Variants in TSGA10 observed in about 807,000 individuals in gnomAD.
TSGA10 encodes the protein testis specific 10.
Under a neutral mutation model 96.6 loss-of-function variants are expected in TSGA10, and 43 were observed. That is an observed-to-expected ratio of 0.44 (90% confidence interval 0.35 to 0.57). The LOEUF (loss-of-function observed/expected upper bound fraction) is 0.57, where lower values mean the gene tolerates loss of function less well. TSGA10 is among the 20% of genes least tolerant of loss of function. The pLI, the probability that TSGA10 is intolerant of heterozygous loss-of-function variation, is 0.01. For synonymous variants in TSGA10, 229 were observed against 269.9 expected (o/e 0.85, Z 1.48); for missense variants, 703 against 834.4 (o/e 0.84, Z 1.94).
At chr2:99,000,957 A>T (rs2077844069) in intron 20 of TSGA10, among the ~76,000 whole-genome samples, 1 of 152,148 alleles carries the variant, frequency 6.6e-6, no homozygotes, top group Admixed American at 6.5e-5. Context: ...GATTTGGTAA[A>T]CAAGGCAGCC....
rs780847174 is a variant in TSGA10, at chr2:99,109,431, T to G, written c.9A>C (p.Arg3=). 2 of 1,613,990 alleles carry G rather than the reference T, an allele frequency of 1.2e-6. No individual in the cohort carries two copies. The highest frequency in any genetic ancestry group is 3.3e-5 in the Admixed American group (2 of 60,026). Residue 3 remains arginine (R), a synonymous_variant, in exon 6 of 21, where the codon CGA becomes CGC. Coordinates refer to ENST00000393483, the MANE Select transcript of TSGA10 (RefSeq NM_025244.4). The part of the protein sequence containing the change: MM[R]SRSKSPRRPS... ...GGCGTCTTGGACTTTTAGACCTACT[T>G]CGCATCATCTTTCTCAAATGTTGAG...
At chr2:99,004,045 C>T (rs145345711) in intron 20 of TSGA10, among the ~76,000 whole-genome samples, 52,912 of 151,494 alleles carry the variant, frequency 0.35, 10,492 homozygotes, top group African/African-American at 0.55. Context: ...ATTGACACAC[C>T]ACTAGCAAGA....
rs563434780 is a variant in TSGA10 at position 99,091,741 on chromosome 2, A to G, written c.612-10344T>C. ...ATATAATGATAAAAGGCCTTGTCCA[A>G]CAGGAAGGTATCACAATCTTAAATA... On this transcript the variant is annotated intron_variant, in intron 10 of 20. Coordinates refer to ENST00000393483, the MANE Select transcript of TSGA10 (RefSeq NM_025244.4). Among the ~76,000 whole-genome samples, 3 of 152,272 alleles carry G rather than the reference A, an allele frequency of 2.0e-5. No individual in the cohort carries two copies. In the South Asian group the frequency reaches 6.2e-4, roughly 32 times the overall value.
rs202038177 is a variant in TSGA10 at position 99,094,292 on chromosome 2, TA to T, written c.611+9674del. Among the ~76,000 whole-genome samples the T allele has an allele frequency of 9.1e-3, 1,386 of 152,180 alleles. 12 individuals are homozygous for T. The highest frequency in any genetic ancestry group is 0.032 in the African/African-American group (1,315 of 41,522). On this transcript the variant is annotated intron_variant, in intron 10 of 20. Coordinates refer to ENST00000393483, the MANE Select transcript of TSGA10 (RefSeq NM_025244.4). ...CACTTAAATCTAAGACCTGAAACCA[TA>T]AAAATTATAGAAGATAACATTGAAA... is the stretch of plus-strand genomic sequence containing the variant.
At chr2:99,107,629 A>C (rs932327913) in intron 7 of TSGA10, among the ~76,000 whole-genome samples, 3 of 152,154 alleles carry the variant, frequency 2.0e-5, no homozygotes, top group Non-Finnish European at 4.4e-5. Context: ...TGCATTTTTA[A>C]ATGGTTGGGG....
intron 4 of TSGA10, among the ~76,000 whole-genome samples, chr2:99,113,671 G>A (rs997273574): frequency 5.3e-5 from 8 of 152,170 alleles, no homozygotes; most frequent in African/African-American, 2.4e-5. Context: ...TCAGCCTCCC[G>A]GGTAGCTGGG....
Position 99,105,614 on chromosome 2 carries a change from G to A in TSGA10, c.294C>T (p.Leu98=). 2 of 1,610,068 alleles carry A rather than the reference G, an allele frequency of 1.2e-6. No homozygotes were observed. Among genetic ancestry groups the A allele is most frequent in the Non-Finnish European group, 1.7e-6 (2 of 1,176,606 alleles). The change falls in exon 8 of 21, where the codon CTC becomes CTT. Residue 98 remains leucine (L), a synonymous_variant. Transcript: ENST00000393483. ...SPKSTTAHAI[L]RRVETERDVA... is the part of the protein sequence containing the mutation. ...CATCTCTTTCAGTCTCCACTCGCCG[G>A]AGAATAGCATGTGCCGTTGTTGATT...
chr2:99,018,679 T>G lies in TSGA10; in HGVS notation c.1818-39A>C, dbSNP rs376332843. ...GATAAGAGTTATAGTTGACTAAACT[T>G]AAAATATGGCTATGATTCTGGGGTA... On this transcript the variant is annotated intron_variant, in intron 18 of 20. Transcript: ENST00000393483. 1.9e-5 allele frequency: 29 copies of G among 1,532,234 alleles called. No homozygotes were observed. In the African/African-American group the frequency reaches 3.6e-4, roughly 19 times the overall value. 94.9% of individuals were successfully genotyped at this position (1,532,234 alleles called of 1,614,324 possible). A position where few individuals can be genotyped will look rare whatever the true frequency, so the allele number is the denominator to read the frequency against.
intron 16 of TSGA10, among the ~76,000 whole-genome samples, chr2:99,047,749 G>A (rs2082946930): frequency 6.6e-6 from 1 of 152,080 alleles, no homozygotes; most frequent in African/African-American, 2.4e-5. Context: ...AGAAATAAAG[G>A]GCATTCAATT....
intron 1 of TSGA10, among the ~76,000 whole-genome samples, chr2:99,148,952 T>A (rs184501147): frequency 6.6e-5 from 10 of 152,038 alleles, no homozygotes; most frequent in African/African-American, 2.4e-4. Context: ...ATGTTATATA[T>A]ATTTTACCAC....
chr2:99,104,182 G>A (rs112843555), intron 9 of TSGA10, 64 bp from the exon 10 acceptor site: 3 of 1,568,932 alleles, frequency 1.9e-6, no homozygotes, highest in Non-Finnish European at 1.7e-6. Context: ...CTTCCTGAAG[G>A]GCATACTCCC....
intron 16 of TSGA10, among the ~76,000 whole-genome samples, chr2:99,046,772 A>G (rs1272148426): frequency 6.6e-6 from 1 of 152,222 alleles, no homozygotes; most frequent in Non-Finnish European, 1.5e-5. Flanking sequence ...CAAAAAATCA[A>G]TGAATCCAGG....
At chr2:99,084,504 T>C (rs1157924719) in intron 10 of TSGA10, among the ~76,000 whole-genome samples, 2 of 152,196 alleles carry the variant, frequency 1.3e-5, no homozygotes, top group African/African-American at 2.4e-5. Flanking sequence ...TCCACCAAGA[T>C]GGCAAGCTGT....
intron 4 of TSGA10, among the ~76,000 whole-genome samples, chr2:99,114,974 T>C (rs1469824882): frequency 6.6e-6 from 1 of 152,202 alleles, no homozygotes; most frequent in Non-Finnish European, 1.5e-5. Context: ...CTCACTCTTT[T>C]GCTCAGGCTA....
At chr2:99,072,103 GC>G in intron 13 of TSGA10, among the ~76,000 whole-genome samples, 1 of 152,264 alleles carries the variant, frequency 6.6e-6, no homozygotes, top group East Asian at 1.9e-4. Flanking sequence ...TCAATGATTT[GC>G]CAAATATTTC....
At position 99,117,528 on chromosome 2, in the gene TSGA10, G is replaced by A. The variant is rs1441754641; in HGVS notation, c.-140+16C>T. Reference sequence around the variant, plus strand: ...TAAAGTAAAATTAAAATCCTTATCCGTGGTAAATCTGGTACCTTGGCTTCT... The same window carrying A: ...TAAAGTAAAATTAAAATCCTTATCCATGGTAAATCTGGTACCTTGGCTTCT... On this transcript the variant is annotated intron_variant, in intron 4 of 20. Coordinates refer to ENST00000393483, the MANE Select transcript of TSGA10 (RefSeq NM_025244.4). The A allele has an allele frequency of 1.2e-5, 12 of 979,566 alleles. 1 individual carries two copies. Among genetic ancestry groups the A allele is most frequent in the South Asian group, 9.4e-5 (2 of 21,170 alleles). 60.7% of individuals were successfully genotyped at this position (979,566 alleles called of 1,614,324 possible). A position where few individuals can be genotyped will look rare whatever the true frequency, so the allele number is the denominator to read the frequency against.
In TSGA10 at chr2:98,998,222, C is replaced by T. The variant is rs2077604360; in HGVS notation, c.2073-1G>A. On this transcript the variant is annotated splice_acceptor_variant, in intron 20 of 20. Coordinates refer to ENST00000393483, the MANE Select transcript of TSGA10 (RefSeq NM_025244.4). LOFTEE classifies it high-confidence loss of function. ...TCAGAAATCTCTGTAGCAAAGATTC[C>T]TATAAGAGAAAAAATCATGCTGATT... 2 of 1,592,616 alleles carry T rather than the reference C, an allele frequency of 1.3e-6. No individual in the cohort carries two copies. Among genetic ancestry groups the T allele is most frequent in the African/African-American group, 1.4e-5 (1 of 73,740 alleles).
intron 1 of TSGA10, among the ~76,000 whole-genome samples, chr2:99,140,885 G>T (rs1327698135): frequency 2.0e-5 from 3 of 152,160 alleles, no homozygotes; most frequent in East Asian, 3.9e-4. Context: ...CAAGAAACAG[G>T]GGCAACTCGT....
chr2:99,107,668 G>C (rs2091470438), intron 7 of TSGA10, among the ~76,000 whole-genome samples: 1 of 152,108 alleles, frequency 6.6e-6, no homozygotes, highest in Admixed American at 6.5e-5. Context: ...TTTAAAACAA[G>C]TAAAAATGAT....
Sources: gnomAD v4.1 joint callset for allele counts (sites outside exome capture counted in the v4.1 genomes callset) on GRCh38, gnomAD v4.1.1 for gene constraint, MANE v1.5 for transcripts, NCBI Gene and HGNC (gene_info 2026-07-23, HGNC 2026-07-21) for gene names.